The following UBR1 variants were observed in gnomAD, a reference collection of about 807,000 sequenced individuals.
UBR1 encodes ubiquitin protein ligase E3 component n-recognin 1, also known as E3 ubiquitin-protein ligase UBR1.
Under a neutral mutation model 242.1 loss-of-function variants are expected in UBR1, and 102 were observed. The ratio of observed to expected loss-of-function variants is 0.42; its 90% CI spans 0.36 to 0.50. The LOEUF is 0.50. Among genes scored for constraint, UBR1 ranks in the 20% least tolerant of loss-of-function variants. The probability of loss-of-function intolerance (pLI) is 0.01; values close to 1 mark genes in which losing one functional copy is unlikely to be tolerated. For synonymous variants in UBR1, 675 were observed against 684.8 expected (o/e 0.99, Z 0.22); for missense variants, 1,772 against 2,101.8 (o/e 0.84, Z 3.07).
At chr15:43,018,351 T>C (rs1305719611) in intron 27 of UBR1, among the ~76,000 whole-genome samples, 1 of 152,148 alleles carries the variant, frequency 6.6e-6, no homozygotes, top group Non-Finnish European at 1.5e-5. Context: ...CTCATTCTTA[T>C]TAACAAAGCT....
chr15:43,037,947 C>A, intron 16 of UBR1, 64 bp from the exon 17 acceptor site: 1 of 1,451,624 alleles, frequency 6.9e-7, no homozygotes. Context: ...CCAAGTTATG[C>A]CACTACATAT....
At chr15:43,102,067 G>A (rs1182111775) in intron 1 of UBR1, among the ~76,000 whole-genome samples, 1 of 151,564 alleles carries the variant, frequency 6.6e-6, no homozygotes, top group African/African-American at 2.4e-5. Flanking sequence ...TTGAACTTGG[G>A]ACAAAGAGGT....
intron 37 of UBR1, among the ~76,000 whole-genome samples, chr15:42,979,129 G>A (rs938264246): frequency 1.3e-4 from 19 of 151,722 alleles, no homozygotes; most frequent in Admixed American, 1.2e-3. Context: ...TCTTGACCTC[G>A]TGATCCACCT....
In UBR1 at chr15:42,970,467, T is replaced by C. The variant is rs1470805203; in HGVS notation, c.4457+53A>G. On this transcript the variant is annotated intron_variant, in intron 40 of 46. Coordinates refer to ENST00000290650, the MANE Select transcript of UBR1 (RefSeq NM_174916.3). Reference sequence around the variant, plus strand: ...TTCAAATGTTACGTTGCCAAACAACTGAACAAGAAATGGAATTATTACAAT... The same window carrying C: ...TTCAAATGTTACGTTGCCAAACAACCGAACAAGAAATGGAATTATTACAAT... 8 of 1,554,514 alleles carry C rather than the reference T, an allele frequency of 5.1e-6. No homozygotes were observed. In the Middle Eastern group the frequency reaches 5.0e-4, roughly 98 times the overall value.
chr15:42,995,646 C>T (rs925339282), intron 33 of UBR1, among the ~76,000 whole-genome samples: 4 of 151,528 alleles, frequency 2.6e-5, no homozygotes, highest in Admixed American at 1.3e-4. Context: ...CCAGCCTGGG[C>T]GACAGAGCGA....
At chr15:43,055,170 T>C (rs2033601737) in intron 11 of UBR1, among the ~76,000 whole-genome samples, 1 of 152,154 alleles carries the variant, frequency 6.6e-6, no homozygotes, top group African/African-American at 2.4e-5. Flanking sequence ...TCATCAGTAA[T>C]GTGGTGGCTC....
chr15:42,952,214 A>T, intron 45 of UBR1, 64 bp downstream of exon 45: 3 of 1,598,046 alleles, frequency 1.9e-6, no homozygotes, highest in Non-Finnish European at 2.6e-6. Flanking sequence ...CACCATAGTG[A>T]CCCCCAGATT....
chr15:43,093,781 C>A (rs1470463750), intron 1 of UBR1, among the ~76,000 whole-genome samples: 1 of 139,620 alleles, frequency 7.2e-6, no homozygotes, highest in African/African-American at 2.7e-5. Context: ...CAGAGTGAGG[C>A]TCCGTCTCCA....
At chr15:42,995,368 A>C (rs1481069020) in intron 33 of UBR1, among the ~76,000 whole-genome samples, 1 of 152,156 alleles carries the variant, frequency 6.6e-6, no homozygotes, top group Non-Finnish European at 1.5e-5. Context: ...TGCTTAAAAC[A>C]AGTAGCAAAG....
At chr15:42,992,758 C>G (rs958502698) in intron 33 of UBR1, among the ~76,000 whole-genome samples, 16 of 152,212 alleles carry the variant, frequency 1.1e-4, no homozygotes, top group African/African-American at 3.4e-4. Flanking sequence ...CCAAAGGGCC[C>G]TTTTCCCCAG....
intron 12 of UBR1, among the ~76,000 whole-genome samples, chr15:43,048,738 G>A: frequency 6.6e-6 from 1 of 152,194 alleles, no homozygotes; most frequent in East Asian, 1.9e-4. Context: ...ATTCTCAGAG[G>A]TTAGTCTGAT....
chr15:43,013,470 T>C (rs1032460493), intron 29 of UBR1, among the ~76,000 whole-genome samples: 2 of 152,228 alleles, frequency 1.3e-5, no homozygotes, highest in African/African-American at 4.8e-5. Context: ...AGGCAATGTC[T>C]TTCTTCTAAG....
chr15:42,968,462 C>T (rs1412584478), intron 40 of UBR1, among the ~76,000 whole-genome samples: 1 of 151,422 alleles, frequency 6.6e-6, no homozygotes, highest in Non-Finnish European at 1.5e-5. Context: ...TGGGCTCAAG[C>T]AATCCTCCTG....
chr15:43,044,062 AAAAT>A (rs2033453554), intron 14 of UBR1, among the ~76,000 whole-genome samples: 1 of 152,230 alleles, frequency 6.6e-6, no homozygotes, highest in Non-Finnish European at 1.5e-5. Context: ...GCAGAGATAT[AAAAT>A]AAATAAAGAC....
chr15:42,967,219 GTTTTTTT>G (rs55879443), intron 40 of UBR1, among the ~76,000 whole-genome samples: 11 of 113,200 alleles, frequency 9.7e-5, no homozygotes, highest in South Asian at 3.3e-4. Flanking sequence ...TGCTCAACTA[GTTTTTTT>G]TTTTTTTTTT....
chr15:43,003,517 A>G (rs1320534508), intron 31 of UBR1: 1 of 360,418 alleles, frequency 2.8e-6, no homozygotes, highest in East Asian at 7.2e-5. Flanking sequence ...CGGCCTCCCG[A>G]AGTGCTGAGA....
chr15:43,079,505 A>T (rs1391868198), intron 3 of UBR1, among the ~76,000 whole-genome samples: 1 of 151,708 alleles, frequency 6.6e-6, no homozygotes, highest in Non-Finnish European at 1.5e-5. Context: ...GGTGGCCAGG[A>T]GCAGTGGCTC....
At chr15:42,999,028 C>T (rs1447992334) in intron 32 of UBR1, among the ~76,000 whole-genome samples, 3 of 150,304 alleles carry the variant, frequency 2.0e-5, no homozygotes, top group Non-Finnish European at 4.4e-5. Context: ...CCAACCTCTG[C>T]CTCCTGGGTT....
intron 28 of UBR1, 100 bp downstream of exon 28, chr15:43,016,995 A>G: frequency 1.2e-6 from 1 of 826,784 alleles, no homozygotes; most frequent in Non-Finnish European, 2.1e-6. Flanking sequence ...CACAATCAAC[A>G]GGTTTCTCCT....
Sources: allele counts gnomAD v4.1 joint callset (sites outside exome capture counted in the v4.1 genomes callset), GRCh38; gene constraint gnomAD v4.1.1; transcripts MANE v1.5; gene names NCBI Gene and HGNC (gene_info 2026-07-23, HGNC 2026-07-21).